The following DLG4 variants were observed in gnomAD, a reference collection of about 807,000 sequenced individuals.
DLG4 encodes the protein disks large homolog 4.
Under a neutral mutation model 93.8 loss-of-function variants are expected in DLG4, and 7 were observed. The ratio of observed to expected loss-of-function variants is 0.07; its 90% CI spans 0.04 to 0.14. The LOEUF is 0.14. Among genes scored for constraint, DLG4 ranks in the 10% least tolerant of loss-of-function variants. The pLI, the probability that DLG4 is intolerant of heterozygous loss-of-function variation, is 1.00. For synonymous variants in DLG4, 341 were observed against 387.6 expected (o/e 0.88, Z 1.41); for missense variants, 545 against 992.9 (o/e 0.55, Z 6.06).
At position 7,193,114 on chromosome 17, in the gene DLG4, G is replaced by T. The variant is rs1363705056; in HGVS notation, c.1697C>A (p.Thr566Lys). 1 of 1,613,414 alleles carries T rather than the reference G, an allele frequency of 6.2e-7. No individual in the cohort carries two copies. ...CTCATACTCCCGCTTGGGCCGTGTC[G>T]TATCTGCCAGGAAGTCACCCCACCC... ...PDKFGSCVPH[T>K]TRPKREYEID... Residue 566 changes from threonine (T) to lysine (K), a missense_variant, in exon 17 of 20, where the codon ACG becomes AAG. Thr to Lys is a moderately conservative substitution (Grantham distance 78, BLOSUM62 -1). Around this residue, in one of 5 missense-constraint regions of DLG4, gnomAD observed 428 missense variants for 741.4 expected, o/e 0.58. Transcript: ENST00000399506. This position sits in a 1 kb window ranked among gnomAD's most constrained non-coding sequence, Gnocchi z 6.7.
upstream of DLG4, chr17:7,217,899 C>G: frequency 7.3e-7 from 1 of 1,369,150 alleles, no homozygotes; most frequent in Non-Finnish European, 1.0e-6. Flanking sequence ...GGGAGGGAGG[C>G]CTCTCGGCAG....
Position 7,191,931 on chromosome 17 carries a change from G to A in DLG4, c.1938C>T (p.Ile646=). ...GGGAGCGGGGGCGGATGAAGATGGCGATGGGGTGCAGGTGGGCCGCCTGCA... is the reference window on the plus strand; with the variant it reads ...GGGAGCGGGGGCGGATGAAGATGGCAATGGGGTGCAGGTGGGCCGCCTGCA... ...RRLQAAHLHP[I]AIFIRPRSLE... The change falls in exon 18 of 20, where the codon ATC becomes ATT. Residue 646 remains isoleucine (I), a synonymous_variant. Coordinates refer to ENST00000399506, the MANE Select transcript of DLG4 (RefSeq NM_001321075.3). The surrounding 1 kb of genome is among the most constrained non-coding windows in gnomAD (Gnocchi z 6.6). The A allele has an allele frequency of 2.0e-6, 3 of 1,498,638 alleles. No individual in the cohort carries two copies. The highest frequency in any genetic ancestry group is 2.5e-5 in the East Asian group (1 of 40,192). 92.8% of individuals were successfully genotyped at this position (1,498,638 alleles called of 1,614,324 possible).
chr17:7,197,852 C>A lies in DLG4; in HGVS notation c.788-800G>T, dbSNP rs1238667415. 2.0e-5 allele frequency among the ~76,000 whole-genome samples: 3 copies of A among 152,166 alleles called. No homozygotes were observed. In the South Asian group the frequency reaches 6.2e-4, roughly 32 times the overall value. Reference sequence around the variant, plus strand: ...GTGGTTTGTTTAGCCTATGCCTCTGCCCCTGTATCTCCTGTAAACTGGCAG... The same window carrying A: ...GTGGTTTGTTTAGCCTATGCCTCTGACCCTGTATCTCCTGTAAACTGGCAG... On this transcript the variant is annotated intron_variant, in intron 8 of 19. Coordinates refer to ENST00000399506, the MANE Select transcript of DLG4 (RefSeq NM_001321075.3).
rs1407110807 is a variant in DLG4 at position 7,203,359 on chromosome 17, C to T, written c.506-30G>A. On this transcript the variant is annotated intron_variant, in intron 6 of 19. Transcript: ENST00000399506. The surrounding 1 kb of genome is among the most constrained non-coding windows in gnomAD (Gnocchi z 7.2). ...ATGGAGGGGAGGCCAGAGGTGGGTG[C>T]CCAGGAAGCAGGCTTGGGGGCACAG... 2 of 1,591,390 alleles carry T rather than the reference C, an allele frequency of 1.3e-6. No individual in the cohort carries two copies. The highest frequency in any genetic ancestry group is 1.1e-5 in the South Asian group (1 of 89,876).
At position 7,208,122 on chromosome 17, in the gene DLG4, C is replaced by A; in HGVS notation, c.96+52G>T. The A allele has an allele frequency of 7.6e-7, 1 of 1,320,292 alleles. No individual in the cohort carries two copies. The highest frequency in any genetic ancestry group is 2.0e-4 in the Middle Eastern group (1 of 4,938). The allele number at this position is 1,320,292 out of a possible 1,614,324, so 81.8% of individuals were successfully genotyped here. On this transcript the variant is annotated intron_variant, in intron 2 of 19. Transcript: ENST00000399506. The surrounding 1 kb of genome is among the most constrained non-coding windows in gnomAD (Gnocchi z 5.4). ...TGGCCCACGACCCCGTGGCCAGCCT[C>A]GAGGTGGGACAAGTTCCTCTCCGCC...
At chr17:7,192,108 G>T in intron 17 of DLG4, 106 bp from the exon 18 acceptor site, 1 of 591,786 alleles carries the variant, frequency 1.7e-6, no homozygotes, top group Non-Finnish European at 2.8e-6. Flanking sequence ...TGGGAAGTTG[G>T]CCGAAGGGGA....
chr17:7,194,124 C>T lies in DLG4; in HGVS notation c.1479-124G>A, dbSNP rs896082760. On this transcript the variant is annotated intron_variant, in intron 12 of 19. Coordinates refer to ENST00000399506, the MANE Select transcript of DLG4 (RefSeq NM_001321075.3). The surrounding 1 kb of genome is among the most constrained non-coding windows in gnomAD (Gnocchi z 4.4). Reference sequence around the variant, plus strand: ...CCAGCTGACACCCCTTCTCCTGCAGCCCTGGACACTGTGCTCCTCAATAAG... The same window carrying T: ...CCAGCTGACACCCCTTCTCCTGCAGTCCTGGACACTGTGCTCCTCAATAAG... The T allele has an allele frequency of 8.0e-6, 11 of 1,380,138 alleles. No individual in the cohort carries two copies. The African/African-American group carries it at 1.4e-4, about 18-fold the overall frequency. 85.5% of individuals were successfully genotyped at this position (1,380,138 alleles called of 1,614,324 possible).
rs11652753 is a variant in DLG4 at position 7,189,415 on chromosome 17, G to C, written c.*1293C>G. On this transcript the variant is annotated 3_prime_UTR_variant, in exon 20 of 20. Coordinates refer to ENST00000399506, the MANE Select transcript of DLG4 (RefSeq NM_001321075.3). ...GAGGCAGGAGAATCACTTGAACCAG[G>C]GTGGCAGAGATCACAGTGAGCCGAG... Among the ~76,000 whole-genome samples, 98,820 of 151,526 alleles carry C rather than the reference G, an allele frequency of 0.65. 34,664 individuals are homozygous for C. The highest frequency in any genetic ancestry group is 0.79 in the Non-Finnish European group (53,874 of 67,874).
At chr17:7,198,888 C>T (rs2069960907) in intron 8 of DLG4, among the ~76,000 whole-genome samples, 2 of 149,574 alleles carry the variant, frequency 1.3e-5, no homozygotes, top group Non-Finnish European at 3.0e-5. Flanking sequence ...TGATGGCACT[C>T]GCCTGTAATC....
chr17:7,210,671 C>G (rs1022284812), intron 1 of DLG4, among the ~76,000 whole-genome samples: 1 of 152,192 alleles, frequency 6.6e-6, no homozygotes, highest in Non-Finnish European at 1.5e-5. Context: ...GCTATCCACT[C>G]TTCCTTCACA....
At chr17:7,205,379 CT>C (rs2070408206) in intron 2 of DLG4, among the ~76,000 whole-genome samples, 1 of 152,214 alleles carries the variant, frequency 6.6e-6, no homozygotes, top group African/African-American at 2.4e-5. Flanking sequence ...GAAGCCACGT[CT>C]CTATGGCAAT....
At position 7,191,925 on chromosome 17, in the gene DLG4, G is replaced by T; in HGVS notation, c.1944C>A (p.Ile648=). 1 of 1,495,436 alleles carries T rather than the reference G, an allele frequency of 6.7e-7. No individual in the cohort carries two copies. Among genetic ancestry groups the T allele is most frequent in the Non-Finnish European group, 8.9e-7 (1 of 1,119,786 alleles). The allele number at this position is 1,495,436 out of a possible 1,614,324, so 92.6% of individuals were successfully genotyped here. A position where few individuals can be genotyped will look rare whatever the true frequency, so the allele number is the denominator to read the frequency against. ...TCTCCAGGGAGCGGGGGCGGATGAA[G>T]ATGGCGATGGGGTGCAGGTGGGCCG... ...LQAAHLHPIA[I]FIRPRSLENV... is the part of the protein sequence containing the mutation. Residue 648 remains isoleucine (I), a synonymous_variant, in exon 18 of 20, where the codon ATC becomes ATA. Transcript: ENST00000399506. The surrounding 1 kb of genome is among the most constrained non-coding windows in gnomAD (Gnocchi z 6.6).
rs768015281 is a variant in DLG4 at position 7,208,095 on chromosome 17, C to T, written c.96+79G>A. 26 of 1,316,648 alleles carry T rather than the reference C, an allele frequency of 2.0e-5. No individual in the cohort carries two copies. The highest frequency in any genetic ancestry group is 3.1e-5 in the Admixed American group (1 of 32,770). The allele number at this position is 1,316,648 out of a possible 1,614,324, so 81.6% of individuals were successfully genotyped here. Reference sequence around the variant, plus strand: ...CCTACCTTGAAGGGGGAGAGGTGGGCGTGGCCCACGACCCCGTGGCCAGCC... The same window carrying T: ...CCTACCTTGAAGGGGGAGAGGTGGGTGTGGCCCACGACCCCGTGGCCAGCC... On this transcript the variant is annotated intron_variant, in intron 2 of 19. Transcript: ENST00000399506. The surrounding 1 kb of genome is among the most constrained non-coding windows in gnomAD (Gnocchi z 5.4).
Position 7,202,991 on chromosome 17 carries a change from C to T in DLG4, c.699G>A (p.Lys233=). ...VMHEDAVAAL[K]NTYDVVYLKV... ...TTAGGTAGACAACATCATACGTGTT[C>T]TTCAGGGCTGCCACAGCATCTTCAT... The change falls in exon 8 of 20, where the codon AAG becomes AAA. Residue 233 remains lysine (K), a synonymous_variant. Transcript: ENST00000399506. 1.2e-5 allele frequency: 20 copies of T among 1,613,418 alleles called. No homozygotes were observed. Among genetic ancestry groups the T allele is most frequent in the Non-Finnish European group, 1.6e-5 (19 of 1,179,372 alleles).
Position 7,193,334 on chromosome 17 carries a change from G to A in DLG4, c.1693+149C>T, listed in dbSNP as rs2069597997. The A allele has an allele frequency of 5.0e-6, 5 of 993,984 alleles. No homozygotes were observed. In the Admixed American group the frequency reaches 1.5e-4, roughly 29 times the overall value. 61.6% of individuals were successfully genotyped at this position (993,984 alleles called of 1,614,324 possible). ...GGGCATGGGTACTATGGAATGAGAG[G>A]GTGGCTGAGAAGCACCCCTTCTCGG... On this transcript the variant is annotated intron_variant, in intron 16 of 19. Transcript: ENST00000399506. The surrounding 1 kb of genome is among the most constrained non-coding windows in gnomAD (Gnocchi z 6.7).
In DLG4 at chr17:7,187,646, C is replaced by T. The variant is rs2069330780; in HGVS notation, c.*3062G>A. On this transcript the variant is annotated 3_prime_UTR_variant, in exon 20 of 20. Coordinates refer to ENST00000399506, the MANE Select transcript of DLG4 (RefSeq NM_001321075.3). The stretch of plus-strand genomic sequence containing the variant: ...TGATTCTGCCCCTTCTAGTTTAACA[C>T]GCAGACGCATTACCTGCACACACCT... 6.6e-6 allele frequency among the ~76,000 whole-genome samples: 1 copy of T among 152,176 alleles called. No individual in the cohort carries two copies. Among genetic ancestry groups the T allele is most frequent in the South Asian group, 2.1e-4 (1 of 4,824 alleles).
chr17:7,193,175 C>A lies in DLG4; in HGVS notation c.1694-58G>T. ...TAACCACCATCCCTCTAGCTTAAAT[C>A]CTGCCTACTTCAATCAAATCCCCAT... On this transcript the variant is annotated intron_variant, in intron 16 of 19. Coordinates refer to ENST00000399506, the MANE Select transcript of DLG4 (RefSeq NM_001321075.3). The surrounding 1 kb of genome is among the most constrained non-coding windows in gnomAD (Gnocchi z 6.7). The A allele has an allele frequency of 6.3e-7, 1 of 1,598,928 alleles. No individual in the cohort carries two copies. Among genetic ancestry groups the A allele is most frequent in the Non-Finnish European group, 8.5e-7 (1 of 1,170,748 alleles).
intron 1 of DLG4, chr17:7,214,003 T>C: frequency 2.7e-6 from 1 of 373,728 alleles, no homozygotes; most frequent in Middle Eastern, 5.5e-4. Context: ...CCATGGCCCA[T>C]AAAGACCCTT....
Position 7,194,188 on chromosome 17 carries a change from C to A in DLG4, c.1478+131G>T. ...CAAAGGCTCATGGGAGCCACGGACC[C>A]CAGGAGGGCCCAACAGACAAACCCC... On this transcript the variant is annotated intron_variant, in intron 12 of 19. Transcript: ENST00000399506. This position sits in a 1 kb window ranked among gnomAD's most constrained non-coding sequence, Gnocchi z 4.4. 1 of 1,368,986 alleles carries A rather than the reference C, an allele frequency of 7.3e-7. No individual in the cohort carries two copies. The allele number at this position is 1,368,986 out of a possible 1,614,324, so 84.8% of individuals were successfully genotyped here. A position where few individuals can be genotyped will look rare whatever the true frequency, so the allele number is the denominator to read the frequency against.
Sources: gnomAD v4.1 joint callset for allele counts (sites outside exome capture counted in the v4.1 genomes callset) on GRCh38, gnomAD v4.1.1 for gene constraint, gnomAD v4.1.1 regional missense constraint, Gnocchi (gnomAD v3.1) non-coding constraint, MANE v1.5 for transcripts, NCBI Gene and HGNC (gene_info 2026-07-23, HGNC 2026-07-21) for gene names.